The following UST variants were observed in gnomAD, a reference collection of about 807,000 sequenced individuals.
The protein encoded by UST is chondroitin sulfate 2-O-sulfotransferase.
A neutral mutation model predicts 45.6 loss-of-function variants in UST; 21 were observed. The observed-to-expected ratio is 0.46, with a 90% CI of 0.33 to 0.66. UST has a LOEUF of 0.66. Among genes scored for constraint, UST ranks in the 30% least tolerant of loss-of-function variants. The pLI, the probability that UST is intolerant of heterozygous loss-of-function variation, is 0.02. For synonymous variants in UST, 215 were observed against 200.6 expected, an observed-to-expected ratio of 1.07 and a Z score of -0.61; for missense variants, 463 against 512.4, an observed-to-expected ratio of 0.90 and a Z score of 0.93.
intron 1 of UST, 93 bp downstream of exon 1, chr6:148,747,770 C>T: frequency 7.1e-7 from 1 of 1,407,202 alleles, no homozygotes; most frequent in East Asian, 2.8e-5. Context: ...GCGCTGCCAC[C>T]GCGCGCCGCC....
intron 2 of UST, among the ~76,000 whole-genome samples, chr6:148,890,237 G>A (rs1248193150): frequency 6.6e-6 from 1 of 152,166 alleles, no homozygotes; most frequent in Non-Finnish European, 1.5e-5. Context: ...CTGGCAGGGT[G>A]GAAATGAATC....
At chr6:148,785,315 C>T (rs1179224056) in intron 1 of UST, among the ~76,000 whole-genome samples, 1 of 152,058 alleles carries the variant, frequency 6.6e-6, no homozygotes, top group African/African-American at 2.4e-5. Flanking sequence ...AGCATCTCAG[C>T]CCAAGATTTG....
At chr6:148,775,320 G>A (rs563345984) in intron 1 of UST, among the ~76,000 whole-genome samples, 8 of 152,178 alleles carry the variant, frequency 5.3e-5, no homozygotes, top group Admixed American at 2.0e-4. Context: ...GTGCAGTGTC[G>A]CCCAGCGTGA....
At chr6:148,772,446 G>A (rs959854054) in intron 1 of UST, among the ~76,000 whole-genome samples, 4 of 146,980 alleles carry the variant, frequency 2.7e-5, no homozygotes, top group African/African-American at 1.0e-4. Context: ...TTTTTGAGTT[G>A]GAGTCTTGCT....
chr6:148,987,814 G>A (rs1564601), intron 5 of UST, among the ~76,000 whole-genome samples: 15 of 151,952 alleles, frequency 9.9e-5, no homozygotes, highest in East Asian at 3.9e-4. Flanking sequence ...CATCCGTAGC[G>A]CCAAAACTCT....
intron 2 of UST, among the ~76,000 whole-genome samples, chr6:148,940,597 T>C (rs1780107213): frequency 6.6e-6 from 1 of 152,174 alleles, no homozygotes; most frequent in African/African-American, 2.4e-5. Flanking sequence ...AGTATAGCTG[T>C]ATTGAAAATG....
intron 1 of UST, among the ~76,000 whole-genome samples, chr6:148,759,946 G>C (rs929893288): frequency 1.3e-5 from 2 of 151,018 alleles, no homozygotes; most frequent in East Asian, 3.9e-4. Context: ...GAAGTAGATC[G>C]TTCTAAGATC....
chr6:148,862,850 T>C (rs900423323), intron 1 of UST, among the ~76,000 whole-genome samples: 1 of 152,188 alleles, frequency 6.6e-6, no homozygotes, highest in Non-Finnish European at 1.5e-5. Flanking sequence ...GCTTGTAGAG[T>C]TTCTGCCAAG....
intron 7 of UST, among the ~76,000 whole-genome samples, chr6:149,034,340 T>C (rs4335010): frequency 0.35 from 52,780 of 151,976 alleles, 9,677 homozygotes; most frequent in Non-Finnish European, 0.41. Context: ...ACTTTTGGTA[T>C]TATTTAAATA....
chr6:148,971,946 G>C (rs1780925981), intron 5 of UST, among the ~76,000 whole-genome samples: 1 of 152,200 alleles, frequency 6.6e-6, no homozygotes, highest in Admixed American at 6.5e-5. Flanking sequence ...AGTGATCCAA[G>C]TGCAAGATAA....
chr6:149,035,763 C>CT (rs1003139673), intron 7 of UST, among the ~76,000 whole-genome samples: 2 of 87,720 alleles, frequency 2.3e-5, no homozygotes, highest in African/African-American at 9.1e-5. Flanking sequence ...AAGACCCCAT[C>CT]TTTAAAAAAA....
chr6:148,892,993 T>G (rs1340499), intron 2 of UST, among the ~76,000 whole-genome samples: 32,055 of 152,078 alleles, frequency 0.21, 4,120 homozygotes, highest in African/African-American at 0.35. Flanking sequence ...TTTTTCTTTG[T>G]AATATCTCTA....
intron 2 of UST, among the ~76,000 whole-genome samples, chr6:148,917,810 G>A (rs945607566): frequency 1.3e-5 from 2 of 152,200 alleles, no homozygotes. Context: ...AGGAGGACGG[G>A]AGCTCAGATG....
intron 5 of UST, among the ~76,000 whole-genome samples, chr6:148,970,499 T>G (rs1780892929): frequency 6.6e-6 from 1 of 152,050 alleles, no homozygotes; most frequent in African/African-American, 2.4e-5. Flanking sequence ...GAGGCTACCT[T>G]AGTTACAAGG....
chr6:148,782,037 A>C (rs1219092360), intron 1 of UST, among the ~76,000 whole-genome samples: 1 of 152,232 alleles, frequency 6.6e-6, no homozygotes, highest in African/African-American at 2.4e-5. Context: ...TCTGCAGCCC[A>C]TGGATCAAGG....
At chr6:148,841,494 A>G (rs1352630543) in intron 1 of UST, among the ~76,000 whole-genome samples, 1 of 151,436 alleles carries the variant, frequency 6.6e-6, no homozygotes. Flanking sequence ...TTTAATTACT[A>G]TTTGATAATT....
intron 1 of UST, among the ~76,000 whole-genome samples, chr6:148,808,322 A>G (rs1383483007): frequency 5.3e-5 from 8 of 152,166 alleles, no homozygotes; most frequent in Admixed American, 1.3e-4. Context: ...CCACCCTCAT[A>G]GGCGAATGTT....
At chr6:148,846,965 G>A (rs1378437555) in intron 1 of UST, among the ~76,000 whole-genome samples, 1 of 152,268 alleles carries the variant, frequency 6.6e-6, no homozygotes, top group Non-Finnish European at 1.5e-5. Context: ...GGGCTCTCCT[G>A]AGTGAGGCAG....
rs1449754454 is a variant in UST at position 148,796,622 on chromosome 6, T to TA, written c.247+48945_247+48946insA. ...CTGGACGACAGGGCAAGACTCTGTC[T>TA]CAAAAAAAAAAAAAAAAAAAAAAAA... On this transcript the variant is annotated intron_variant, in intron 1 of 7. Transcript: ENST00000367463. Among the ~76,000 whole-genome samples the TA allele has an allele frequency of 1.8e-3, 79 of 44,434 alleles. 3 individuals carry two copies. Among genetic ancestry groups the TA allele is most frequent in the African/African-American group, 3.2e-3 (43 of 13,356 alleles). 29.2% of individuals were successfully genotyped at this position (44,434 alleles called of 152,430 possible). A position where few individuals can be genotyped will look rare whatever the true frequency, so the allele number is the denominator to read the frequency against.
Sources: allele counts gnomAD v4.1 joint callset (sites outside exome capture counted in the v4.1 genomes callset), GRCh38; gene constraint gnomAD v4.1.1; transcripts MANE v1.5; gene names NCBI Gene and HGNC (gene_info 2026-07-23, HGNC 2026-07-21).